POLD1: variants seen among roughly 807,000 people sequenced by gnomAD.
POLD1 encodes the protein DNA polymerase delta catalytic subunit.
Under a neutral mutation model 129.7 loss-of-function variants are expected in POLD1, and 79 were observed. The observed-to-expected ratio is 0.61, with a 90% CI of 0.51 to 0.73. POLD1 has a LOEUF of 0.73. Among genes scored for constraint, POLD1 ranks in the 30% least tolerant of loss-of-function variants. The pLI is 0.00. For synonymous variants in POLD1, 714 were observed against 683.3 expected (o/e 1.04, Z -0.70); for missense variants, 1,338 against 1,595.8 (o/e 0.84, Z 2.75).
chr19:50,389,602 T>C (rs79814087), intron 1 of POLD1, among the ~76,000 whole-genome samples: 88 of 151,678 alleles, frequency 5.8e-4, no homozygotes, highest in Middle Eastern at 3.4e-3. Flanking sequence ...TTTTTTTTTT[T>C]CCAAGACTGA....
Position 50,413,590 on chromosome 19 carries a change from C to T in POLD1, c.2250+69C>T, listed in dbSNP as rs142324822. The T allele has an allele frequency of 4.7e-4, 721 of 1,528,102 alleles. 5 individuals carry two copies. The African/African-American group carries it at 8.0e-3, about 17-fold the overall frequency. 94.7% of individuals were successfully genotyped at this position (1,528,102 alleles called of 1,614,324 possible). On this transcript the variant is annotated intron_variant, in intron 18 of 26. Coordinates refer to ENST00000440232, the MANE Select transcript of POLD1 (RefSeq NM_002691.4). The stretch of plus-strand genomic sequence containing the variant: ...GTGGGGGGATGGAAGCCGGGCCGGA[C>T]CCCCATGTCCCCGTGCCTCCTGGTC...
chr19:50,386,495 T>C (rs757314917), intron 1 of POLD1, among the ~76,000 whole-genome samples: 1 of 152,150 alleles, frequency 6.6e-6, no homozygotes, highest in African/African-American at 2.4e-5. Flanking sequence ...AGACCCCAAC[T>C]TGGGCAAGAT....
At chr19:50,401,651 G>C (rs190101092) in intron 3 of POLD1, 127 bp from the exon 4 acceptor site, 22 of 1,010,408 alleles carry the variant, frequency 2.2e-5, no homozygotes, top group Non-Finnish European at 2.8e-5. Context: ...GGCTGAAATG[G>C]ACACAGGGAA....
rs1034793783 is a variant in POLD1 at position 50,392,961 on chromosome 19, T to G, written c.-1-5890T>G. ...CATTCCTTTACACAGTTGCATAGTA[T>G]TCCATTGAACGGACTTAACATATTT... On this transcript the variant is annotated intron_variant, in intron 1 of 26. Coordinates refer to ENST00000440232, the MANE Select transcript of POLD1 (RefSeq NM_002691.4). Among the ~76,000 whole-genome samples, 8 of 152,366 alleles carry G rather than the reference T, an allele frequency of 5.3e-5. No individual in the cohort carries two copies. In the East Asian group the frequency reaches 1.3e-3, roughly 26 times the overall value.
chr19:50,416,871 G>T, intron 24 of POLD1, 148 bp downstream of exon 24: 2 of 947,616 alleles, frequency 2.1e-6, no homozygotes, highest in Non-Finnish European at 3.1e-6. Flanking sequence ...ACCCCCCACA[G>T]AGGGTCCTCG....
chr19:50,398,774 G>C, intron 1 of POLD1, 77 bp from the exon 2 acceptor site: 1 of 1,549,284 alleles, frequency 6.5e-7, no homozygotes, highest in Admixed American at 2.1e-5. Context: ...GTCATGGTGG[G>C]TGCATGGGAT....
chr19:50,402,749 C>T lies in POLD1; in HGVS notation c.970+8C>T, dbSNP rs1483666153. 6.3e-7 allele frequency: 1 copy of T among 1,577,564 alleles called. No individual in the cohort carries two copies. The highest frequency in any genetic ancestry group is 8.6e-7 in the Non-Finnish European group (1 of 1,157,092). Reference sequence around the variant, plus strand: ...AGTGCGCCGGCCGCAAAGGTCTGTCCCCGGGCCCGGGCTCCTGCCCGCCTC... The same window carrying T: ...AGTGCGCCGGCCGCAAAGGTCTGTCTCCGGGCCCGGGCTCCTGCCCGCCTC... On this transcript the variant is annotated splice_region_variant and intron_variant, in intron 8 of 26. Transcript: ENST00000440232.
In POLD1 at chr19:50,402,643, T is replaced by C. The variant is rs199999050; in HGVS notation, c.872T>C (p.Leu291Pro). 8.8e-6 allele frequency: 14 copies of C among 1,585,550 alleles called. No homozygotes were observed. In the East Asian group the frequency reaches 3.0e-4, roughly 34 times the overall value. Residue 291 changes from leucine (L) to proline (P), a missense_variant, in exon 8 of 27, where the codon CTG (leucine) becomes CCG (proline). By Grantham distance (98) the Leu-to-Pro change is moderately conservative (BLOSUM62 -3). This residue lies in a region of POLD1 where 720 missense variants were observed against 1,002.6 expected (regional missense o/e 0.72). Transcript: ENST00000440232. ...ATQCQLEADV[L>P]WSDVVSHPPE... ...CAGTGCCAGCTGGAGGCGGACGTGCTGTGGTCTGACGTGGTCAGTCACCCA... is the reference window on the plus strand; with the variant it reads ...CAGTGCCAGCTGGAGGCGGACGTGCCGTGGTCTGACGTGGTCAGTCACCCA...
intron 17 of POLD1, among the ~76,000 whole-genome samples, chr19:50,412,920 C>T (rs1189269795): frequency 6.7e-6 from 1 of 149,382 alleles, no homozygotes; most frequent in Non-Finnish European, 1.5e-5. Flanking sequence ...GTTTTCTTAA[C>T]TCTAAAATAA....
rs1064795361 is a variant in POLD1 at position 50,415,594 on chromosome 19, C to T, written c.2717+4C>T. 3.1e-6 allele frequency: 5 copies of T among 1,609,120 alleles called. No individual in the cohort carries two copies. Among genetic ancestry groups the T allele is most frequent in the South Asian group, 1.1e-5 (1 of 90,860 alleles). On this transcript the variant is annotated splice_donor_region_variant and intron_variant, in intron 21 of 26. Coordinates refer to ENST00000440232, the MANE Select transcript of POLD1 (RefSeq NM_002691.4). ...CCCACGTGGAGCTGGCCGAGAGGTC[C>T]TGCGCGGGGCGGGTGGCCTGGCCAG...
rs878854539 is a variant in POLD1 at position 50,414,963 on chromosome 19, C to T, written c.2537C>T (p.Ala846Val). ...NCPLVANLVTASLRRLLIDRD... is the reference protein window; with the variant it reads ...NCPLVANLVTVSLRRLLIDRD... Reference sequence around the variant, plus strand: ...CCCCTCGTGGCCAACCTGGTCACTGCCTCACTGCGCCGCCTGCTCATCGAC... The same window carrying T: ...CCCCTCGTGGCCAACCTGGTCACTGTCTCACTGCGCCGCCTGCTCATCGAC... The change falls in exon 20 of 27, where the codon GCC (alanine) becomes GTC (valine). Residue 846 changes from alanine (A) to valine (V), a missense_variant. This residue lies in a region of POLD1 where 720 missense variants were observed against 1,002.6 expected (regional missense o/e 0.72). Transcript: ENST00000440232. 6.3e-7 allele frequency: 1 copy of T among 1,597,766 alleles called. No homozygotes were observed. Among genetic ancestry groups the T allele is most frequent in the Non-Finnish European group, 8.5e-7 (1 of 1,171,276 alleles).
chr19:50,399,615 C>T (rs921666243), intron 3 of POLD1, 131 bp downstream of exon 3: 3 of 668,096 alleles, frequency 4.5e-6, no homozygotes, highest in Admixed American at 4.8e-5. Flanking sequence ...GGCTCTGCCC[C>T]TCTGGTTGCC....
chr19:50,385,218 GA>G (rs2037929030), intron 1 of POLD1, among the ~76,000 whole-genome samples: 1 of 152,194 alleles, frequency 6.6e-6, no homozygotes, highest in South Asian at 2.1e-4. Context: ...GATCTGTTAG[GA>G]GGGAGAGCGT....
rs749159160 is a variant in POLD1 at position 50,416,610 on chromosome 19, G to A, written c.2954G>A (p.Arg985Gln). 9.0e-6 allele frequency: 14 copies of A among 1,560,322 alleles called. No homozygotes were observed. The Admixed American group carries it at 2.5e-4, about 27-fold the overall frequency. The change falls in exon 24 of 27, where the codon CGG becomes CAG. Residue 985 changes from arginine (R) to glutamine (Q), a missense_variant and splice_region_variant. By Grantham distance (43) the Arg-to-Gln change is conservative (BLOSUM62 1). Coordinates refer to ENST00000440232, the MANE Select transcript of POLD1 (RefSeq NM_002691.4). ...CCACCACCTGCCTCCTCTCCTGCAG[G>A]GGGGGACCACACGCGCTGCAAGACG... ...GEGRAEAVLL[R>Q]GDHTRCKTVL... is the part of the protein sequence containing the mutation.
Position 50,417,894 on chromosome 19 carries a change from G to A in POLD1, c.3271G>A (p.Asp1091Asn), listed in dbSNP as rs946088822. The A allele has an allele frequency of 1.3e-5, 21 of 1,611,860 alleles. No homozygotes were observed. The Admixed American group carries it at 2.0e-4, about 15-fold the overall frequency. Residue 1091 changes from aspartate to asparagine, a missense_variant, in exon 27 of 27, where the codon GAC becomes AAC. This residue lies in a region of POLD1 where 286 missense variants were observed against 277.5 expected (regional missense o/e 1.03). Coordinates refer to ENST00000440232, the MANE Select transcript of POLD1 (RefSeq NM_002691.4). Reference sequence around the variant, plus strand: ...CAAGAAGGTGCGGAAGGACCTGGAAGACCAGGAGCAGCTCCTGCGGCGCTT... The same window carrying A: ...CAAGAAGGTGCGGAAGGACCTGGAAAACCAGGAGCAGCTCCTGCGGCGCTT... ...MRKKVRKDLEDQEQLLRRFGP... is the reference protein window; with the variant it reads ...MRKKVRKDLENQEQLLRRFGP...
At chr19:50,417,290 C>A (rs768651527) in intron 26 of POLD1, 21 bp downstream of exon 26, 6 of 1,524,926 alleles carry the variant, frequency 3.9e-6, no homozygotes, top group Non-Finnish European at 5.3e-6. Context: ...TGTCCCGACC[C>A]TGGGCTGCCC....
intron 10 of POLD1, among the ~76,000 whole-genome samples, chr19:50,404,574 C>CTTTTTTTTTTTTTT (rs71182717): frequency 3.9e-5 from 3 of 77,868 alleles, no homozygotes; most frequent in African/African-American, 1.3e-4. Context: ...TTTTCTCTTT[C>CTTTTTTTTTTTTTT]TTTTTTTTTT....
At chr19:50,390,575 T>TC in intron 1 of POLD1, among the ~76,000 whole-genome samples, 1 of 151,888 alleles carries the variant, frequency 6.6e-6, no homozygotes, top group East Asian at 1.9e-4. Context: ...GAGAACTATT[T>TC]TTTTTTTTTT....
chr19:50,388,825 C>CTTTTTTTTTTT (rs34487979), intron 1 of POLD1, among the ~76,000 whole-genome samples: 4 of 88,896 alleles, frequency 4.5e-5, no homozygotes, highest in African/African-American at 1.4e-4. Context: ...GCAGTTAACT[C>CTTTTTTTTTTT]TTTTTTTTTT....
Sources: gnomAD v4.1 joint callset for allele counts (sites outside exome capture counted in the v4.1 genomes callset) on GRCh38, gnomAD v4.1.1 for gene constraint, gnomAD v4.1.1 regional missense constraint, MANE v1.5 for transcripts, NCBI Gene and HGNC (gene_info 2026-07-23, HGNC 2026-07-21) for gene names.